The following STAG2 variants were observed in gnomAD, a reference collection of about 807,000 sequenced individuals.
STAG2 encodes the protein STAG2 cohesin complex component, also known as cohesin subunit SA-2.
Under a neutral mutation model 108.1 loss-of-function variants are expected in STAG2, and 14 were observed. The observed-to-expected ratio is 0.13, with a 90% CI of 0.09 to 0.20. The LOEUF (loss-of-function observed/expected upper bound fraction) is 0.20, where lower values mean the gene tolerates loss of function less well. Among genes scored for constraint, STAG2 ranks in the 10% least tolerant of loss-of-function variants. The probability of loss-of-function intolerance (pLI) is 1.00; values close to 1 mark genes in which losing one functional copy is unlikely to be tolerated. For missense variants in STAG2, 440 were observed against 940.9 expected (o/e 0.47, Z 6.96); for synonymous variants, 307 against 302.7 (o/e 1.01, Z -0.15).
In STAG2 at chrX:124,047,621, A is replaced by G. The variant is rs2057912835; in HGVS notation, c.819+116A>G. On this transcript the variant is annotated intron_variant, in intron 9 of 34. Transcript: ENST00000371145. ...GTTTTTGAAATATTTAAATGTAAAT[A>G]ACATTTCAAACTATTTGCCCAACAA... 3 of 617,506 alleles carry G rather than the reference A, an allele frequency of 4.9e-6. No homozygotes were observed. In the African/African-American group the frequency reaches 7.0e-5, roughly 14 times the overall value. 50.9% of individuals were successfully genotyped at this position (617,506 alleles called of 1,213,427 possible). A position where few individuals can be genotyped will look rare whatever the true frequency, so the allele number is the denominator to read the frequency against.
Position 124,077,942 on chromosome X carries a change from C to T in STAG2, c.2674-15C>T. ...TTAAGAGATAAAGCTCTAATTTGTA[C>T]AAATTTCTTTATAGTATTATAATGA... On this transcript the variant is annotated splice_polypyrimidine_tract_variant and intron_variant, in intron 26 of 34. Coordinates refer to ENST00000371145, the MANE Select transcript of STAG2 (RefSeq NM_001042750.2). 1 of 1,056,335 alleles carries T rather than the reference C, an allele frequency of 9.5e-7. No individual in the cohort carries two copies. The highest frequency in any genetic ancestry group is 1.3e-6 in the Non-Finnish European group (1 of 789,748). The allele number at this position is 1,056,335 out of a possible 1,213,427, so 87.1% of individuals were successfully genotyped here. A position where few individuals can be genotyped will look rare whatever the true frequency, so the allele number is the denominator to read the frequency against.
rs765286585 is a variant in STAG2, at chrX:124,072,686, T to G, written c.2533+1363T>G. 4.0e-4 allele frequency among the ~76,000 whole-genome samples: 37 copies of G among 92,668 alleles called. No individual in the cohort carries two copies. The South Asian group carries it at 7.2e-3, about 18-fold the overall frequency. 80.5% of individuals were successfully genotyped at this position (92,668 alleles called of 115,157 possible). A position where few individuals can be genotyped will look rare whatever the true frequency, so the allele number is the denominator to read the frequency against. ...AAAGAACCAAGTAATTATAGTGTTG[T>G]TGTTGTTGTTTGTTTGTTTGTTTGT... On this transcript the variant is annotated intron_variant, in intron 25 of 34. Transcript: ENST00000371145.
intron 1 of STAG2, among the ~76,000 whole-genome samples, chrX:123,966,918 T>C (rs2054119711): frequency 9.0e-6 from 1 of 111,626 alleles, no homozygotes; most frequent in African/African-American, 3.3e-5. Context: ...AGTTTTGCTC[T>C]TGTTGCCCAG....
Position 124,094,362 on chromosome X carries a change from T to C in STAG2, c.3705+218T>C, listed in dbSNP as rs148917244. Among the ~76,000 whole-genome samples the C allele has an allele frequency of 2.5e-3, 276 of 111,646 alleles. 1 individual carries two copies. Among genetic ancestry groups the C allele is most frequent in the African/African-American group, 8.3e-3 (255 of 30,779 alleles). On this transcript the variant is annotated intron_variant, in intron 33 of 34. Coordinates refer to ENST00000371145, the MANE Select transcript of STAG2 (RefSeq NM_001042750.2). ...GATTAAGATGATAACAATTGTCTGT[T>C]TGTTTCTGAGATTAATTTAGGAATA...
chrX:124,025,840 G>T lies in STAG2; in HGVS notation c.45G>T (p.Gln15His). 1 of 1,161,408 alleles carries T rather than the reference G, an allele frequency of 8.6e-7. No homozygotes were observed. Among genetic ancestry groups the T allele is most frequent in the Non-Finnish European group, 1.2e-6 (1 of 864,307 alleles). Residue 15 changes from glutamine to histidine, a missense_variant and splice_region_variant, in exon 4 of 35, where the codon CAG becomes CAT. Gln to His is a conservative substitution (Grantham distance 24). Around this residue, in one of 3 missense-constraint regions of STAG2, gnomAD observed 34 missense variants for 36.7 expected, o/e 0.93. Transcript: ENST00000371145. ...PEIPTDFNLL[Q>H]ESETHFSSDT... ...TTTAATTCTTATCTTTCTGTCACAG[G>T]GAGTCAGAAACACATTTTTCTTCTG...
chrX:124,036,993 C>G (rs944375140), intron 5 of STAG2, among the ~76,000 whole-genome samples: 1 of 110,605 alleles, frequency 9.0e-6, no homozygotes, highest in Non-Finnish European at 1.9e-5. Flanking sequence ...TCAAGTGATA[C>G]TCCTGCCTCA....
intron 13 of STAG2, among the ~76,000 whole-genome samples, chrX:124,055,288 A>G (rs1238332102): frequency 8.9e-6 from 1 of 112,422 alleles, no homozygotes; most frequent in African/African-American, 3.2e-5. Context: ...TGCTTCAACT[A>G]TCCAGTATTC....
chrX:123,979,609 C>T, intron 1 of STAG2, among the ~76,000 whole-genome samples: 1 of 111,324 alleles, frequency 9.0e-6, no homozygotes, highest in Non-Finnish European at 1.9e-5. Flanking sequence ...AGTTGAGTCT[C>T]CTGTAGTTTT....
At chrX:124,063,038 T>G (rs1569515762) in intron 18 of STAG2, 44 bp downstream of exon 18, 1 of 1,179,457 alleles carries the variant, frequency 8.5e-7, no homozygotes, top group Non-Finnish European at 1.2e-6. Context: ...AAATGAGTTT[T>G]TTTTCCCTAA....
At chrX:123,975,366 AGTG>A (rs1244145426) in intron 1 of STAG2, among the ~76,000 whole-genome samples, 1 of 112,330 alleles carries the variant, frequency 8.9e-6, no homozygotes, top group Non-Finnish European at 1.9e-5. Context: ...GAATTGAGGA[AGTG>A]GTGGTAGTCA....
intron 1 of STAG2, among the ~76,000 whole-genome samples, chrX:124,003,977 AC>A (rs2056176010): frequency 9.0e-6 from 1 of 111,700 alleles, no homozygotes; most frequent in African/African-American, 3.2e-5. Context: ...TTTTGCTTTA[AC>A]TTTTTTATGG....
intron 1 of STAG2, among the ~76,000 whole-genome samples, chrX:123,971,362 A>G (rs1468225753): frequency 1.8e-5 from 2 of 112,140 alleles, no homozygotes; most frequent in Non-Finnish European, 3.8e-5. Context: ...CTGGGGGTAG[A>G]GGTTACAGTG....
chrX:124,003,713 C>G (rs143657936), intron 1 of STAG2: 2 of 111,789 alleles, frequency 1.8e-5, no homozygotes, highest in Non-Finnish European at 3.8e-5. Context: ...CGTGAGCCAC[C>G]GTGCCCAGCC....
At chrX:124,013,785 G>C (rs2056606444) in intron 1 of STAG2, among the ~76,000 whole-genome samples, 1 of 111,139 alleles carries the variant, frequency 9.0e-6, no homozygotes, top group Non-Finnish European at 1.9e-5. Context: ...CAGAATGAAG[G>C]TAGATGTATT....
At chrX:123,981,865 C>T (rs918445538) in intron 1 of STAG2, among the ~76,000 whole-genome samples, 19 of 111,213 alleles carry the variant, frequency 1.7e-4, no homozygotes, top group African/African-American at 5.9e-4. Context: ...GTTACAAAAA[C>T]GTTAAGCACA....
intron 1 of STAG2, among the ~76,000 whole-genome samples, chrX:124,012,101 A>G (rs745631098): frequency 1.8e-5 from 2 of 111,568 alleles, no homozygotes; most frequent in African/African-American, 3.3e-5. Context: ...ACATTGATTG[A>G]TTTTTGTATG....
rs201575250 is a variant in STAG2, at chrX:123,985,797, C to T, written c.-163+23941C>T. Among the ~76,000 whole-genome samples, 23 of 108,244 alleles carry T rather than the reference C, an allele frequency of 2.1e-4. No homozygotes were observed. In the East Asian group the frequency reaches 5.7e-3, roughly 27 times the overall value. 94.0% of individuals were successfully genotyped at this position (108,244 alleles called of 115,157 possible). A position where few individuals can be genotyped will look rare whatever the true frequency, so the allele number is the denominator to read the frequency against. On this transcript the variant is annotated intron_variant, in intron 1 of 34. Coordinates refer to ENST00000371145, the MANE Select transcript of STAG2 (RefSeq NM_001042750.2). ...CTTGCTATGTTGCCTAGGCTGGTCT[C>T]GAACTCCTGGGCTTAAGCCATCCTC...
chrX:123,987,053 T>C (rs1354023885), intron 1 of STAG2, among the ~76,000 whole-genome samples: 2 of 108,573 alleles, frequency 1.8e-5, no homozygotes, highest in African/African-American at 6.7e-5. Flanking sequence ...AGTGCAGTGG[T>C]GCGATCTCAG....
At chrX:123,991,047 T>C (rs1170655695) in intron 1 of STAG2, among the ~76,000 whole-genome samples, 1 of 112,357 alleles carries the variant, frequency 8.9e-6, no homozygotes, top group Non-Finnish European at 1.9e-5. Context: ...GTGCTTTCAG[T>C]GTACCCTATA....
Sources: allele counts gnomAD v4.1 joint callset (sites outside exome capture counted in the v4.1 genomes callset), GRCh38; gene constraint gnomAD v4.1.1; regional missense constraint gnomAD v4.1.1; transcripts MANE v1.5; gene names NCBI Gene and HGNC (gene_info 2026-07-23, HGNC 2026-07-21).